CMYA5: variants seen among roughly 807,000 people sequenced by gnomAD.
CMYA5 encodes cardiomyopathy associated 5, also known as cardiomyopathy-associated protein 5.
Under a neutral mutation model 318.9 loss-of-function variants are expected in CMYA5, and 246 were observed. The observed-to-expected ratio is 0.77, with a 90% CI of 0.70 to 0.86. CMYA5 has a LOEUF of 0.86. CMYA5 is among the 40% of genes least tolerant of loss of function. The probability of loss-of-function intolerance (pLI) is 0.00; values close to 1 mark genes in which losing one functional copy is unlikely to be tolerated. For missense variants in CMYA5, 4,589 were observed against 4,678.2 expected, an observed-to-expected ratio of 0.98 and a Z score of 0.56; for synonymous variants, 1,641 against 1,729.5, an observed-to-expected ratio of 0.95 and a Z score of 1.27.
chr5:79,730,472 A>T lies in CMYA5; in HGVS notation c.1707A>T (p.Ala569=). ...EEELILPLLA[A]SSPEHVALSE... ...AGCTTATTCTACCATTATTGGCAGC[A>T]TCATCTCCTGAACATGTTGCTTTGT... The change falls in exon 2 of 13, where the codon GCA becomes GCT. Residue 569 remains alanine, a synonymous_variant. Transcript: ENST00000446378. 6.2e-7 allele frequency: 1 copy of T among 1,613,928 alleles called. No homozygotes were observed. The highest frequency in any genetic ancestry group is 8.5e-7 in the Non-Finnish European group (1 of 1,179,890).
At position 79,739,136 on chromosome 5, in the gene CMYA5, C is replaced by G; in HGVS notation, c.10371C>G (p.Ser3457=). The change falls in exon 2 of 13, where the codon TCC becomes TCG. Residue 3457 remains serine, a synonymous_variant. Transcript: ENST00000446378. ...PEDVLSQGKE[S]FEHISENEFA... ...ATGTCTTATCTCAAGGAAAGGAATCCTTTGAGCACATCAGTGAAAATGAAT... is the reference window on the plus strand; with the variant it reads ...ATGTCTTATCTCAAGGAAAGGAATCGTTTGAGCACATCAGTGAAAATGAAT... The G allele has an allele frequency of 6.2e-7, 1 of 1,613,776 alleles. No homozygotes were observed. Among genetic ancestry groups the G allele is most frequent in the Non-Finnish European group, 8.5e-7 (1 of 1,179,824 alleles).
intron 3 of CMYA5, 57 bp downstream of exon 3, chr5:79,743,979 A>G: frequency 1.1e-6 from 1 of 870,082 alleles, no homozygotes; most frequent in Non-Finnish European, 1.8e-6. Context: ...TCAGAAGTAA[A>G]TGATTCTGAG....
intron 9 of CMYA5, among the ~76,000 whole-genome samples, chr5:79,775,632 A>C (rs533291791): frequency 4.2e-4 from 64 of 152,358 alleles, no homozygotes; most frequent in South Asian, 1.7e-3. Context: ...ATATTTCTTG[A>C]CATTCAGCTC....
chr5:79,773,981 C>T (rs1217799888), intron 9 of CMYA5, among the ~76,000 whole-genome samples: 1 of 152,154 alleles, frequency 6.6e-6, no homozygotes, highest in East Asian at 1.9e-4. Context: ...CATTGGTTGT[C>T]CTCTAGATTG....
Position 79,736,225 on chromosome 5 carries a change from A to G in CMYA5, c.7460A>G (p.Asp2487Gly), listed in dbSNP as rs200092720. ...TCTGTGGCCCCATTAGAGCTTAGAGATAGTAATGAAATAGGGAAGACACAA... is the reference window on the plus strand; with the variant it reads ...TCTGTGGCCCCATTAGAGCTTAGAGGTAGTAATGAAATAGGGAAGACACAA... ...QNSVAPLELR[D>G]SNEIGKTQIT... The change falls in exon 2 of 13, where the codon GAT becomes GGT. Residue 2487 changes from aspartate (D) to glycine (G), a missense_variant. Physicochemically the swap from Asp to Gly is moderately conservative, Grantham distance 94 (BLOSUM62 -1). Coordinates refer to ENST00000446378, the MANE Select transcript of CMYA5 (RefSeq NM_153610.5). The G allele has an allele frequency of 3.7e-5, 59 of 1,613,458 alleles. No homozygotes were observed. The highest frequency in any genetic ancestry group is 1.5e-4 in the Admixed American group (9 of 59,924).
chr5:79,729,378 A>C lies in CMYA5; in HGVS notation c.613A>C (p.Thr205Pro). ...GACCACTTCAAATACACCTCCGATT[A>C]CTGGGGCAATATACAAAGAACACAA... ...KKTTSNTPPI[T>P]GAIYKEHKPL... Residue 205 changes from threonine (T) to proline (P), a missense_variant, in exon 2 of 13, where the codon ACT becomes CCT. Thr to Pro is a conservative substitution (Grantham distance 38). Coordinates refer to ENST00000446378, the MANE Select transcript of CMYA5 (RefSeq NM_153610.5). 6.2e-7 allele frequency: 1 copy of C among 1,613,832 alleles called. No individual in the cohort carries two copies. The highest frequency in any genetic ancestry group is 1.1e-5 in the South Asian group (1 of 91,056).
chr5:79,768,254 A>G (rs1182365670), intron 9 of CMYA5, among the ~76,000 whole-genome samples: 1 of 152,080 alleles, frequency 6.6e-6, no homozygotes, highest in Non-Finnish European at 1.5e-5. Flanking sequence ...TCTTTATCCA[A>G]TGTGCCAGTC....
chr5:79,761,399 T>G (rs965997020), intron 7 of CMYA5, among the ~76,000 whole-genome samples: 4 of 152,210 alleles, frequency 2.6e-5, no homozygotes, highest in Non-Finnish European at 5.9e-5. Flanking sequence ...TTAAAAACCA[T>G]GAAGTTGTCC....
rs965581133 is a variant in CMYA5, at chr5:79,768,396, G to A, written c.11555+5187G>A. Among the ~76,000 whole-genome samples the A allele has an allele frequency of 7.2e-5, 11 of 151,762 alleles. No individual in the cohort carries two copies. In the South Asian group the frequency reaches 1.5e-3, roughly 20 times the overall value. ...GTTGATGTAGTTTCTTCACAGTGTC[G>A]ACGGTCTTTACAATTTGGTATGTTT... On this transcript the variant is annotated intron_variant, in intron 9 of 12. Transcript: ENST00000446378.
At chr5:79,694,489 C>T (rs967653863) in intron 1 of CMYA5, among the ~76,000 whole-genome samples, 1 of 152,122 alleles carries the variant, frequency 6.6e-6, no homozygotes, top group African/African-American at 2.4e-5. Context: ...TTTTTATTTT[C>T]GGTCATTCTC....
chr5:79,787,303 A>G (rs550026798), intron 9 of CMYA5, among the ~76,000 whole-genome samples: 1 of 152,290 alleles, frequency 6.6e-6, no homozygotes, highest in East Asian at 1.9e-4. Flanking sequence ...ATATTTATTT[A>G]GGGAGCAAAT....
Position 79,733,652 on chromosome 5 carries a change from C to T in CMYA5, c.4887C>T (p.His1629=). 6.2e-7 allele frequency: 1 copy of T among 1,613,840 alleles called. No homozygotes were observed. Among genetic ancestry groups the T allele is most frequent in the African/African-American group, 1.3e-5 (1 of 74,998 alleles). ...AACCTGAGAAGAAAGACAAGCCACA[C>T]CAACCGTTGGAATTACCAAATGCTG... ...SLEPEKKDKP[H]QPLELPNAGS... Residue 1629 remains histidine, a synonymous_variant, in exon 2 of 13, where the codon CAC becomes CAT. Transcript: ENST00000446378.
At chr5:79,709,829 T>A (rs749643539) in intron 1 of CMYA5, among the ~76,000 whole-genome samples, 2 of 149,614 alleles carry the variant, frequency 1.3e-5, no homozygotes, top group Non-Finnish European at 3.0e-5. Context: ...GGCCTTGTGG[T>A]GTGTGCCTGT....
intron 1 of CMYA5, among the ~76,000 whole-genome samples, chr5:79,710,904 C>T (rs1252475277): frequency 6.6e-6 from 1 of 152,092 alleles, no homozygotes; most frequent in Non-Finnish European, 1.5e-5. Flanking sequence ...ATGGGAAATT[C>T]AGCTTAATTT....
At chr5:79,790,469 C>G (rs1829156456) in intron 10 of CMYA5, among the ~76,000 whole-genome samples, 1 of 152,140 alleles carries the variant, frequency 6.6e-6, no homozygotes, top group Non-Finnish European at 1.5e-5. Context: ...CGGGGTTTCA[C>G]CATGTTGGCC....
intron 1 of CMYA5, among the ~76,000 whole-genome samples, chr5:79,699,420 G>C (rs1484129694): frequency 6.6e-6 from 1 of 152,302 alleles, no homozygotes; most frequent in Middle Eastern, 3.4e-3. Flanking sequence ...AGGGAGAGAT[G>C]AATAACTAAT....
Position 79,731,917 on chromosome 5 carries a change from C to A in CMYA5, c.3152C>A (p.Ala1051Asp), listed in dbSNP as rs954439020. 1.9e-6 allele frequency: 3 copies of A among 1,613,092 alleles called. No homozygotes were observed. In the African/African-American group the frequency reaches 4.0e-5, roughly 22 times the overall value. ...ADEEDIGSTA[A>D]TPVSEQFSSS... Reference sequence around the variant, plus strand: ...GAGGAAGACATTGGATCCACAGCTGCTACACCTGTATCTGAGCAGTTCAGT... The same window carrying A: ...GAGGAAGACATTGGATCCACAGCTGATACACCTGTATCTGAGCAGTTCAGT... Residue 1051 changes from alanine (A) to aspartate (D), a missense_variant, in exon 2 of 13, where the codon GCT becomes GAT. This residue lies in a region of CMYA5 where 2,132 missense variants were observed against 2,131.3 expected (regional missense o/e 1.00). Coordinates refer to ENST00000446378, the MANE Select transcript of CMYA5 (RefSeq NM_153610.5).
chr5:79,791,730 A>T (rs568298997), intron 11 of CMYA5, among the ~76,000 whole-genome samples: 9 of 144,762 alleles, frequency 6.2e-5, no homozygotes, highest in African/African-American at 2.2e-4. Context: ...AAAAAAAAAA[A>T]AAAGGCATAG....
At position 79,799,744 on chromosome 5, in the gene CMYA5, T is replaced by C; in HGVS notation, c.*128T>C. The C allele has an allele frequency of 1.6e-6, 2 of 1,245,128 alleles. No individual in the cohort carries two copies. Among genetic ancestry groups the C allele is most frequent in the Admixed American group, 2.8e-5 (1 of 36,290 alleles). The allele number at this position is 1,245,128 out of a possible 1,614,324, so 77.1% of individuals were successfully genotyped here. A position where few individuals can be genotyped will look rare whatever the true frequency, so the allele number is the denominator to read the frequency against. On this transcript the variant is annotated 3_prime_UTR_variant, in exon 13 of 13. Transcript: ENST00000446378. ...TTTGCACTAATGATGGCTGCATGCATAGCAATCAGCATGTGAGCAAAATCG... is the reference window on the plus strand; with the variant it reads ...TTTGCACTAATGATGGCTGCATGCACAGCAATCAGCATGTGAGCAAAATCG...
Sources: allele counts gnomAD v4.1 joint callset (sites outside exome capture counted in the v4.1 genomes callset), GRCh38; gene constraint gnomAD v4.1.1; regional missense constraint gnomAD v4.1.1; transcripts MANE v1.5; gene names NCBI Gene and HGNC (gene_info 2026-07-23, HGNC 2026-07-21).